KIAA1217: variants seen among roughly 807,000 people sequenced by gnomAD.
The protein encoded by KIAA1217 is KIAA1217.
A neutral mutation model predicts 163.9 loss-of-function variants in KIAA1217; 88 were observed. The observed-to-expected ratio is 0.54, with a 90% confidence interval of 0.45 to 0.64. The LOEUF (loss-of-function observed/expected upper bound fraction) is 0.64, where lower values mean the gene tolerates loss of function less well. Among genes scored for constraint, KIAA1217 ranks in the 30% least tolerant of loss-of-function variants. The pLI, the probability that KIAA1217 is intolerant of heterozygous loss-of-function variation, is 0.00. For synonymous variants in KIAA1217, 903 were observed against 923.1 expected (o/e 0.98, Z 0.39); for missense variants, 2,372 against 2,475.0 (o/e 0.96, Z 0.88).
At chr10:24,491,931 C>CTT (rs67088854) in intron 6 of KIAA1217, among the ~76,000 whole-genome samples, 3 of 148,152 alleles carry the variant, frequency 2.0e-5, no homozygotes, top group Admixed American at 2.0e-4. Context: ...GCCACGTTAC[C>CTT]TTTTTTTTTT....
intron 2 of KIAA1217, among the ~76,000 whole-genome samples, chr10:24,266,942 G>A (rs1405411283): frequency 2.0e-5 from 3 of 152,110 alleles, no homozygotes; most frequent in African/African-American, 7.2e-5. Flanking sequence ...TCAGGACTGC[G>A]AAGGTCCGCA....
intron 2 of KIAA1217, among the ~76,000 whole-genome samples, chr10:24,162,675 C>T (rs1204410853): frequency 6.6e-6 from 1 of 152,230 alleles, no homozygotes; most frequent in East Asian, 1.9e-4. Context: ...TTTTTATTAT[C>T]TCACAGTTTC....
At chr10:23,832,424 T>G (rs778767665) in intron 1 of KIAA1217, among the ~76,000 whole-genome samples, 3 of 152,144 alleles carry the variant, frequency 2.0e-5, no homozygotes, top group Non-Finnish European at 2.9e-5. Context: ...GCCCTGTCCT[T>G]TCTGGATTTT....
At chr10:23,786,997 A>C (rs980782007) in intron 1 of KIAA1217, among the ~76,000 whole-genome samples, 4 of 152,222 alleles carry the variant, frequency 2.6e-5, no homozygotes, top group African/African-American at 9.6e-5. Flanking sequence ...ATTTTAAAAA[A>C]TGTTAAAGTT....
intron 1 of KIAA1217, among the ~76,000 whole-genome samples, chr10:23,939,249 A>G (rs1041258561): frequency 6.6e-6 from 1 of 152,214 alleles, no homozygotes; most frequent in Admixed American, 6.5e-5. Context: ...ACCCAACAAT[A>G]TATTTTTAAA....
chr10:24,176,920 C>T (rs1235268578), intron 2 of KIAA1217, among the ~76,000 whole-genome samples: 2 of 152,126 alleles, frequency 1.3e-5, no homozygotes, highest in South Asian at 2.1e-4. Flanking sequence ...CACAGGTGGG[C>T]TGGCAGTGCT....
chr10:23,878,176 C>T (rs555418063), intron 1 of KIAA1217, among the ~76,000 whole-genome samples: 1 of 152,014 alleles, frequency 6.6e-6, no homozygotes, highest in Non-Finnish European at 1.5e-5. Context: ...AGAAAAAATC[C>T]AGACATGGTT....
intron 1 of KIAA1217, among the ~76,000 whole-genome samples, chr10:23,859,476 T>A (rs1367824247): frequency 6.6e-6 from 1 of 152,236 alleles, no homozygotes; most frequent in Non-Finnish European, 1.5e-5. Flanking sequence ...TGTCATATTT[T>A]GCAAAATAAT....
At chr10:24,331,675 C>G (rs1366815064) in intron 2 of KIAA1217, among the ~76,000 whole-genome samples, 1 of 152,146 alleles carries the variant, frequency 6.6e-6, no homozygotes, top group African/African-American at 2.4e-5. Context: ...CAGCTTCAAG[C>G]CAGGAAAGCT....
intron 1 of KIAA1217, among the ~76,000 whole-genome samples, chr10:23,856,045 T>C (rs1452946348): frequency 1.3e-5 from 2 of 152,254 alleles, no homozygotes; most frequent in Non-Finnish European, 2.9e-5. Context: ...TTTGTTCTGT[T>C]GCTGGTAAGG....
At chr10:23,972,054 G>A (rs1013182863) in intron 1 of KIAA1217, among the ~76,000 whole-genome samples, 7 of 152,046 alleles carry the variant, frequency 4.6e-5, no homozygotes, top group Non-Finnish European at 1.0e-4. Context: ...GATGTCTTAC[G>A]TCTCCCCAAA....
chr10:24,411,909 T>A (rs962315427), intron 3 of KIAA1217, among the ~76,000 whole-genome samples: 4 of 152,054 alleles, frequency 2.6e-5, no homozygotes, highest in African/African-American at 7.2e-5. Context: ...CTAATGGGAA[T>A]TGATGCTTTT....
chr10:23,927,191 A>G (rs2131303662), intron 1 of KIAA1217, among the ~76,000 whole-genome samples: 1 of 152,122 alleles, frequency 6.6e-6, no homozygotes, highest in East Asian at 1.9e-4. Context: ...CTATTTATAA[A>G]TTGCTATGCT....
chr10:24,105,846 C>T (rs187429367), intron 2 of KIAA1217, among the ~76,000 whole-genome samples: 4 of 152,282 alleles, frequency 2.6e-5, no homozygotes, highest in African/African-American at 7.2e-5. Context: ...GGCATGCATG[C>T]GTGTGGAAAC....
chr10:24,276,828 T>A (rs1179623205), intron 2 of KIAA1217, among the ~76,000 whole-genome samples: 1 of 152,024 alleles, frequency 6.6e-6, no homozygotes, highest in Non-Finnish European at 1.5e-5. Context: ...CAGGCTGGTC[T>A]GGAACTCCTG....
At chr10:24,057,588 G>T (rs1421961624) in intron 2 of KIAA1217, among the ~76,000 whole-genome samples, 1 of 152,026 alleles carries the variant, frequency 6.6e-6, no homozygotes, top group Non-Finnish European at 1.5e-5. Context: ...TCCATGTCGT[G>T]GCACATTACA....
chr10:24,090,164 C>CTTTTTTTTTTTTTTTTTTTTTTTTTTTT (rs1162687231), intron 2 of KIAA1217, among the ~76,000 whole-genome samples: 4 of 109,238 alleles, frequency 3.7e-5, no homozygotes, highest in Non-Finnish European at 5.4e-5. Context: ...TTTTCTTTTT[C>CTTTTTTTTTTTTTTTTTTTTTTTTTTTT]TTTTTTTTTT....
Position 24,473,263 on chromosome 10 carries a change from C to A in KIAA1217, c.882C>A (p.Gly294=), listed in dbSNP as rs2063715790. 8 of 1,520,320 alleles carry A rather than the reference C, an allele frequency of 5.3e-6. No individual in the cohort carries two copies. The highest frequency in any genetic ancestry group is 7.0e-6 in the Non-Finnish European group (8 of 1,135,514). 94.2% of individuals were successfully genotyped at this position (1,520,320 alleles called of 1,614,324 possible). A position where few individuals can be genotyped will look rare whatever the true frequency, so the allele number is the denominator to read the frequency against. Residue 294 remains glycine (G), a synonymous_variant, in exon 6 of 21, where the codon GGC becomes GGA. Transcript: ENST00000376454. ...AACTTGTTTATGCAAGAGGAGATGG[C>A]CCTGGGGCCCCTCGCCCCGGATCTA... ...QRELVYARGD[G]PGAPRPGSTA...
intron 1 of KIAA1217, among the ~76,000 whole-genome samples, chr10:23,984,614 G>A (rs1368419171): frequency 1.3e-5 from 2 of 152,110 alleles, no homozygotes; most frequent in Non-Finnish European, 2.9e-5. Context: ...TCCTTTGCAG[G>A]GACATGGATG....
Sources: allele counts gnomAD v4.1 joint callset (sites outside exome capture counted in the v4.1 genomes callset), GRCh38; gene constraint gnomAD v4.1.1; transcripts MANE v1.5; gene names NCBI Gene and HGNC (gene_info 2026-07-23, HGNC 2026-07-21).